Variants in B3GAT2 observed in about 807,000 individuals in gnomAD.
B3GAT2 encodes galactosylgalactosylxylosylprotein 3-beta-glucuronosyltransferase 2.
B3GAT2 carries 26 observed loss-of-function variants against 27.8 expected under a neutral mutation model. That is an observed-to-expected ratio of 0.93 (90% CI 0.68 to 1.30). The LOEUF is 1.30. Among genes scored for constraint, B3GAT2 ranks in the 50% most tolerant of loss-of-function variants. The pLI is 0.00. For missense variants in B3GAT2, 458 were observed against 459.0 expected (o/e 1.00, Z 0.02); for synonymous variants, 218 against 195.1 (o/e 1.12, Z -0.98).
At chr6:70,951,266 G>T (rs1002021250) in intron 1 of B3GAT2, among the ~76,000 whole-genome samples, 1 of 152,132 alleles carries the variant, frequency 6.6e-6, no homozygotes, top group Non-Finnish European at 1.5e-5. Flanking sequence ...TAAGACCATT[G>T]ACTTTGGATT....
At chr6:70,907,989 T>C (rs1180759157) in intron 1 of B3GAT2, among the ~76,000 whole-genome samples, 1 of 152,240 alleles carries the variant, frequency 6.6e-6, no homozygotes, top group African/African-American at 2.4e-5. Context: ...TGGCACACTT[T>C]CCATTCTGTT....
At chr6:70,942,002 C>G (rs1765400903) in intron 1 of B3GAT2, among the ~76,000 whole-genome samples, 1 of 152,116 alleles carries the variant, frequency 6.6e-6, no homozygotes, top group Non-Finnish European at 1.5e-5. Context: ...TTCTTTGGTA[C>G]AACTAGATGG....
intron 1 of B3GAT2, among the ~76,000 whole-genome samples, chr6:70,953,137 T>C (rs1364420710): frequency 6.6e-6 from 1 of 152,224 alleles, no homozygotes; most frequent in African/African-American, 2.4e-5. Context: ...GAAAAACTAA[T>C]TGGTGTGCAT....
At chr6:70,935,479 T>C (rs998773177) in intron 1 of B3GAT2, among the ~76,000 whole-genome samples, 2 of 151,918 alleles carry the variant, frequency 1.3e-5, no homozygotes, top group African/African-American at 2.4e-5. Context: ...TATGTGTATA[T>C]ATATATCTCC....
chr6:70,858,324 T>A lies in B3GAT2; in HGVS notation c.*3339A>T. On this transcript the variant is annotated 3_prime_UTR_variant, in exon 4 of 4. Transcript: ENST00000230053. ...TTTTTTTTTTTTTTTTTAAGTCTAGTGATCTGGCAGAAAGAATTCAATAGG... is the reference window on the plus strand; with the variant it reads ...TTTTTTTTTTTTTTTTTAAGTCTAGAGATCTGGCAGAAAGAATTCAATAGG... 8.9e-7 allele frequency: 1 copy of A among 1,120,982 alleles called. No individual in the cohort carries two copies. The highest frequency in any genetic ancestry group is 1.2e-6 in the Non-Finnish European group (1 of 830,070). The allele number at this position is 1,120,982 out of a possible 1,614,324, so 69.4% of individuals were successfully genotyped here.
chr6:70,860,263 C>A lies in B3GAT2; in HGVS notation c.*1400G>T, dbSNP rs1461932353. 2 of 1,613,680 alleles carry A rather than the reference C, an allele frequency of 1.2e-6. 1 individual carries two copies. The highest frequency in any genetic ancestry group is 2.2e-5 in the South Asian group (2 of 91,028). ...AACCCCTACTGCAGGTTTTGGCCAG[C>A]CCTCCAGCACAACAGCAGGATGGTC... is the stretch of plus-strand genomic sequence containing the variant. On this transcript the variant is annotated 3_prime_UTR_variant, in exon 4 of 4. Transcript: ENST00000230053.
chr6:70,890,713 G>C (rs1772273991), intron 2 of B3GAT2, among the ~76,000 whole-genome samples: 1 of 152,192 alleles, frequency 6.6e-6, no homozygotes, highest in Non-Finnish European at 1.5e-5. Context: ...TCTTGTTGGA[G>C]ACTGTGCCCT....
chr6:70,939,102 C>T (rs1765344468), intron 1 of B3GAT2, among the ~76,000 whole-genome samples: 1 of 152,092 alleles, frequency 6.6e-6, no homozygotes, highest in South Asian at 2.1e-4. Flanking sequence ...CATGAATAGA[C>T]ACTTCTCAAA....
In B3GAT2 at chr6:70,956,711, G is replaced by A. The variant is rs1179717357; in HGVS notation, c.-282C>T. On this transcript the variant is annotated 5_prime_UTR_variant, in exon 1 of 4. Coordinates refer to ENST00000230053, the MANE Select transcript of B3GAT2 (RefSeq NM_080742.3). ...GCGGGAAGCGGGACTCGGTCCAGCC[G>A]CGCGCCGCCGGTCCCGGAGTTGTGC... The A allele has an allele frequency of 4.5e-6, 6 of 1,342,222 alleles. No individual in the cohort carries two copies. In the African/African-American group the frequency reaches 6.2e-5, roughly 14 times the overall value. 83.1% of individuals were successfully genotyped at this position (1,342,222 alleles called of 1,614,324 possible).
chr6:70,909,341 G>A, intron 1 of B3GAT2, among the ~76,000 whole-genome samples: 1 of 152,166 alleles, frequency 6.6e-6, no homozygotes, highest in Admixed American at 6.5e-5. Context: ...ACATAGATGG[G>A]ATAAAAGAAT....
intron 2 of B3GAT2, 122 bp from the exon 3 acceptor site, chr6:70,862,100 T>C: frequency 1.1e-6 from 1 of 892,560 alleles, no homozygotes; most frequent in Non-Finnish European, 1.7e-6. Flanking sequence ...CAGGTCTTGG[T>C]TTACAAAGTT....
Position 70,860,661 on chromosome 6 carries a change from T to G in B3GAT2, c.*1002A>C. On this transcript the variant is annotated 3_prime_UTR_variant, in exon 4 of 4. Coordinates refer to ENST00000230053, the MANE Select transcript of B3GAT2 (RefSeq NM_080742.3). The stretch of plus-strand genomic sequence containing the variant: ...TAATGTTTGCATATAAGGGAAGTAG[T>G]TATCATGTTAGTAATACCTCTAATA... 1 of 417,934 alleles carries G rather than the reference T, an allele frequency of 2.4e-6. No homozygotes were observed. Among genetic ancestry groups the G allele is most frequent in the Non-Finnish European group, 4.2e-6 (1 of 237,080 alleles). 25.9% of individuals were successfully genotyped at this position (417,934 alleles called of 1,614,324 possible).
In B3GAT2 at chr6:70,913,594, T is replaced by A. The variant is rs140847959; in HGVS notation, c.592-19322A>T. Among the ~76,000 whole-genome samples, 1,174 of 152,352 alleles carry A rather than the reference T, an allele frequency of 7.7e-3. 9 individuals carry two copies. Among genetic ancestry groups the A allele is most frequent in the Non-Finnish European group, 0.011 (731 of 68,034 alleles). On this transcript the variant is annotated intron_variant, in intron 1 of 3. Transcript: ENST00000230053. ...GTTAGTGTGATTCTTGTGTTTTTAA[T>A]TTGCTAAGAATTGACTTATGGCCGA... is the stretch of plus-strand genomic sequence containing the variant.
intron 1 of B3GAT2, among the ~76,000 whole-genome samples, chr6:70,913,577 G>T (rs1337772096): frequency 3.3e-5 from 5 of 152,158 alleles, no homozygotes; most frequent in African/African-American, 4.8e-5. Context: ...TGGTTAGTGT[G>T]ATTCTTGTGT....
chr6:70,951,492 T>C (rs986232030), intron 1 of B3GAT2, among the ~76,000 whole-genome samples: 1 of 152,174 alleles, frequency 6.6e-6, no homozygotes, highest in African/African-American at 2.4e-5. Flanking sequence ...TTTTCATGTC[T>C]ATTCACGAGA....
intron 1 of B3GAT2, among the ~76,000 whole-genome samples, chr6:70,925,263 C>G (rs1467912788): frequency 6.6e-6 from 1 of 152,266 alleles, no homozygotes; most frequent in Non-Finnish European, 1.5e-5. Context: ...TTCTGCATTT[C>G]CAACTAAGGT....
At chr6:70,875,812 AAACACTCTGC>A (rs1772005608) in intron 2 of B3GAT2, among the ~76,000 whole-genome samples, 1 of 152,256 alleles carries the variant, frequency 6.6e-6, no homozygotes, top group African/African-American at 2.4e-5. Context: ...GAAAAAAGTG[AAACACTCTGC>A]ATTTCCAAGA....
chr6:70,956,249 G>A lies in B3GAT2; in HGVS notation c.181C>T (p.His61Tyr), dbSNP rs535966421. 1 of 1,611,284 alleles carries A rather than the reference G, an allele frequency of 6.2e-7. No individual in the cohort carries two copies. Among genetic ancestry groups the A allele is most frequent in the South Asian group, 1.1e-5 (1 of 90,866 alleles). Residue 61 changes from histidine (H) to tyrosine (Y), a missense_variant, in exon 1 of 4, where the codon CAC (histidine) becomes TAC (tyrosine). By Grantham distance (83) the His-to-Tyr change is moderately conservative. Transcript: ENST00000230053. ...RLPLRRGGPA[H>Y]GTQKRNQSRP... ...GACTGGTTGCGCTTTTGGGTCCCGTGAGCCGGGCCGCCCCTGCGGAGCGGG... is the reference window on the plus strand; with the variant it reads ...GACTGGTTGCGCTTTTGGGTCCCGTAAGCCGGGCCGCCCCTGCGGAGCGGG...
intron 2 of B3GAT2, among the ~76,000 whole-genome samples, chr6:70,866,248 G>T (rs1771849033): frequency 6.6e-6 from 1 of 152,180 alleles, no homozygotes; most frequent in African/African-American, 2.4e-5. Flanking sequence ...AGGTTATCGT[G>T]CCTGTTGTAA....
Sources: gnomAD v4.1 joint callset for allele counts (sites outside exome capture counted in the v4.1 genomes callset) on GRCh38, gnomAD v4.1.1 for gene constraint, MANE v1.5 for transcripts, NCBI Gene and HGNC (gene_info 2026-07-23, HGNC 2026-07-21) for gene names.